VPS37D: variants seen among roughly 807,000 people sequenced by gnomAD.
VPS37D encodes vacuolar protein sorting-associated protein 37D.
VPS37D carries 5 observed loss-of-function variants against 22.0 expected under a neutral mutation model. The observed-to-expected ratio is 0.23, with a 90% CI of 0.12 to 0.48. The LOEUF is 0.48. VPS37D is among the 20% of genes least tolerant of loss of function. The pLI is 0.99. For synonymous variants in VPS37D, 174 were observed against 159.3 expected, an observed-to-expected ratio of 1.09 and a Z score of -0.69; for missense variants, 384 against 345.8, an observed-to-expected ratio of 1.11 and a Z score of -0.88.
Position 73,671,178 on chromosome 7 carries a change from T to A in VPS37D, c.558T>A (p.Ala186=). The part of the protein sequence containing the change: ...ERSAQPAPTS[A]ADPPKSFPAA... ...CTGCCCAGCCGGCCCCCACCTCGGC[T>A]GCTGATCCCCCCAAATCCTTCCCGG... is the stretch of plus-strand genomic sequence containing the variant. Residue 186 remains alanine (A), a synonymous_variant, in exon 4 of 4, where the codon GCT becomes GCA. Transcript: ENST00000324941. The A allele has an allele frequency of 6.2e-7, 1 of 1,603,870 alleles. No homozygotes were observed. The highest frequency in any genetic ancestry group is 8.5e-7 in the Non-Finnish European group (1 of 1,177,678).
chr7:73,670,159 C>A, intron 3 of VPS37D, 57 bp downstream of exon 3: 1 of 1,548,452 alleles, frequency 6.5e-7, no homozygotes, highest in Non-Finnish European at 8.7e-7. Flanking sequence ...TCTCTGCCAC[C>A]CCCTGGCTCA....
chr7:73,666,181 TCA>T (rs1258169043), upstream of VPS37D, among the ~76,000 whole-genome samples: 1 of 152,158 alleles, frequency 6.6e-6, no homozygotes, highest in Non-Finnish European at 1.5e-5. Context: ...CACATGGGAA[TCA>T]CAAAGCCATC....
rs781828885 is a variant in VPS37D at position 73,669,601 on chromosome 7, G to T, written c.310+11G>T. On this transcript the variant is annotated intron_variant, in intron 2 of 3. Coordinates refer to ENST00000324941, the MANE Select transcript of VPS37D (RefSeq NM_001077621.2). Reference sequence around the variant, plus strand: ...AGCTGCAGCGACTGGGTGAGGGCACGTCTGGGAGAACCCCCTGGGGCTGGT... The same window carrying T: ...AGCTGCAGCGACTGGGTGAGGGCACTTCTGGGAGAACCCCCTGGGGCTGGT... 1.1e-5 allele frequency: 17 copies of T among 1,582,066 alleles called. No homozygotes were observed. The African/African-American group carries it at 1.2e-4, about 11-fold the overall frequency.
chr7:73,668,568 TGTATTGCA>T (rs1797433979), intron 1 of VPS37D, among the ~76,000 whole-genome samples: 2 of 151,686 alleles, frequency 1.3e-5, no homozygotes, highest in African/African-American at 4.8e-5. Flanking sequence ...AGCTGCCGTG[TGTATTGCA>T]TAGGCCACCG....
At position 73,671,128 on chromosome 7, in the gene VPS37D, G is replaced by A; in HGVS notation, c.508G>A (p.Glu170Lys). The change falls in exon 4 of 4, where the codon GAG (glutamate) becomes AAG (lysine). Residue 170 changes from glutamate to lysine, a missense_variant. By Grantham distance (56) the Glu-to-Lys change is moderately conservative. Transcript: ENST00000324941. Reference sequence around the variant, plus strand: ...GCGGACGCAGGCAGAGAAGCTGCAGGAGCTGCTGCGGCGTCGGGAGCGTTC... The same window carrying A: ...GCGGACGCAGGCAGAGAAGCTGCAGAAGCTGCTGCGGCGTCGGGAGCGTTC... ...LRRTQAEKLQELLRRRERSAQ... is the reference protein window; with the variant it reads ...LRRTQAEKLQKLLRRRERSAQ... 6.2e-7 allele frequency: 1 copy of A among 1,608,282 alleles called. No homozygotes were observed. The highest frequency in any genetic ancestry group is 2.2e-5 in the East Asian group (1 of 44,826).
chr7:73,671,056 G>A lies in VPS37D; in HGVS notation c.436G>A (p.Ala146Thr), dbSNP rs782408382. The A allele has an allele frequency of 1.6e-5, 25 of 1,612,152 alleles. No individual in the cohort carries two copies. Among genetic ancestry groups the A allele is most frequent in the Non-Finnish European group, 2.1e-5 (25 of 1,179,744 alleles). The change falls in exon 4 of 4, where the codon GCC becomes ACC. Residue 146 changes from alanine to threonine, a missense_variant. Physicochemically the swap from Ala to Thr is moderately conservative, Grantham distance 58. Transcript: ENST00000324941. ...QLLLGEQSLE[A>T]FLPAFQRGRA... ...GCTGCTCGGGGAGCAAAGCCTGGAG[G>A]CCTTCCTGCCTGCCTTCCAGCGTGG...
In VPS37D at chr7:73,670,190, G is replaced by C; in HGVS notation, c.393+88G>C. Reference sequence around the variant, plus strand: ...GCTCATTCTTACACCTCAGGCTGGGGAGCCCCTCCTCTGGGAAGTCCACCC... The same window carrying C: ...GCTCATTCTTACACCTCAGGCTGGGCAGCCCCTCCTCTGGGAAGTCCACCC... On this transcript the variant is annotated intron_variant, in intron 3 of 3. Transcript: ENST00000324941. The C allele has an allele frequency of 1.3e-6, 2 of 1,540,312 alleles. 1 individual carries two copies. The highest frequency in any genetic ancestry group is 2.4e-5 in the South Asian group (2 of 83,144).
Position 73,667,870 on chromosome 7 carries a change from G to A in VPS37D, c.-89G>A. ...GGCCGGAGCCGGAGCGGATCCTGGA[G>A]CCGGAGCGGAGCGGAGCGGAGCGGA... On this transcript the variant is annotated 5_prime_UTR_variant, in exon 1 of 4. Coordinates refer to ENST00000324941, the MANE Select transcript of VPS37D (RefSeq NM_001077621.2). 5.4e-6 allele frequency: 2 copies of A among 373,662 alleles called. No homozygotes were observed. The highest frequency in any genetic ancestry group is 2.0e-4 in the South Asian group (2 of 9,826). The allele number at this position is 373,662 out of a possible 1,614,324, so 23.1% of individuals were successfully genotyped here.
intron 1 of VPS37D, among the ~76,000 whole-genome samples, chr7:73,669,001 C>A (rs1797444727): frequency 6.6e-6 from 1 of 151,756 alleles, no homozygotes; most frequent in African/African-American, 2.4e-5. Flanking sequence ...AGGAAACAGA[C>A]AAAGGCCTGG....
chr7:73,668,117 G>C (rs1455080189), intron 1 of VPS37D, 21 bp downstream of exon 1: 6 of 1,075,936 alleles, frequency 5.6e-6, no homozygotes, highest in South Asian at 8.7e-5. Flanking sequence ...GGGCTCGAGC[G>C]GGGGGCGCGG....
At chr7:73,666,416 CTCTTTTTTT>C (rs199683546), upstream of VPS37D, among the ~76,000 whole-genome samples, 924 of 152,138 alleles carry the variant, frequency 6.1e-3, 17 homozygotes, top group African/African-American at 0.021. Context: ...GCGACATCAT[CTCTTTTTTT>C]TCTTTTTTTT....
In VPS37D at chr7:73,667,871, C is replaced by CCGGAGCGGAG. The variant is rs879987947; in HGVS notation, c.-71_-62dup. 0.011 allele frequency: 4,085 copies of CCGGAGCGGAG among 372,818 alleles called. 42 individuals carry two copies. The highest frequency in any genetic ancestry group is 0.018 in the Admixed American group (287 of 15,872). 23.1% of individuals were successfully genotyped at this position (372,818 alleles called of 1,614,324 possible). ...GCCGGAGCCGGAGCGGATCCTGGAG[C>CCGGAGCGGAG]CGGAGCGGAGCGGAGCGGAGCGGAG... On this transcript the variant is annotated 5_prime_UTR_variant, in exon 1 of 4. Coordinates refer to ENST00000324941, the MANE Select transcript of VPS37D (RefSeq NM_001077621.2).
Position 73,671,464 on chromosome 7 carries a change from G to C in VPS37D, c.*88G>C. On this transcript the variant is annotated 3_prime_UTR_variant, in exon 4 of 4. Coordinates refer to ENST00000324941, the MANE Select transcript of VPS37D (RefSeq NM_001077621.2). ...TCCCCCACTGCCTGGGTGGGGGGAG[G>C]GGCAGGCCCCTCCCCCTGGCCTCAG... 1.7e-6 allele frequency: 1 copy of C among 590,300 alleles called. No individual in the cohort carries two copies. The highest frequency in any genetic ancestry group is 2.6e-6 in the Non-Finnish European group (1 of 379,072). 36.6% of individuals were successfully genotyped at this position (590,300 alleles called of 1,614,324 possible).
In VPS37D at chr7:73,670,884, A is replaced by G. The variant is rs1797492191; in HGVS notation, c.394-130A>G. The G allele has an allele frequency of 4.5e-6, 6 of 1,330,388 alleles. No homozygotes were observed. In the African/African-American group the frequency reaches 7.5e-5, roughly 17 times the overall value. 82.4% of individuals were successfully genotyped at this position (1,330,388 alleles called of 1,614,324 possible). A position where few individuals can be genotyped will look rare whatever the true frequency, so the allele number is the denominator to read the frequency against. ...GTAATCGGAGGCAGGCCCAGGCTGG[A>G]ACGCAGGTCCCCTGTCCCCCAGCTG... On this transcript the variant is annotated intron_variant, in intron 3 of 3. Coordinates refer to ENST00000324941, the MANE Select transcript of VPS37D (RefSeq NM_001077621.2).
chr7:73,667,968 G>A lies in VPS37D; in HGVS notation c.10G>A (p.Ala4Thr). 9.4e-7 allele frequency: 1 copy of A among 1,063,012 alleles called. No individual in the cohort carries two copies. Among genetic ancestry groups the A allele is most frequent in the Non-Finnish European group, 1.1e-6 (1 of 879,956 alleles). 65.8% of individuals were successfully genotyped at this position (1,063,012 alleles called of 1,614,324 possible). Residue 4 changes from alanine (A) to threonine (T), a missense_variant, in exon 1 of 4, where the codon GCC becomes ACC. Transcript: ENST00000324941. MYR[A>T]RAARAGPEPG... is the part of the protein sequence containing the mutation. The stretch of plus-strand genomic sequence containing the variant: ...GGCGCGGGCGGGCGGCATGTACCGG[G>A]CCCGGGCGGCGCGGGCGGGGCCGGA...
In VPS37D at chr7:73,671,388, C is replaced by CG; in HGVS notation, c.*14dup. ...CCCCCCACCGGTAGGATCCACGGTG[C>CG]GGCCCCCCAGTTGGGGGGCCTAGAC... On this transcript the variant is annotated 3_prime_UTR_variant, in exon 4 of 4. Transcript: ENST00000324941. 4 of 1,360,318 alleles carry CG rather than the reference C, an allele frequency of 2.9e-6. No homozygotes were observed. Among genetic ancestry groups the CG allele is most frequent in the Non-Finnish European group, 3.8e-6 (4 of 1,057,972 alleles). 84.3% of individuals were successfully genotyped at this position (1,360,318 alleles called of 1,614,324 possible).
In VPS37D at chr7:73,669,568, C is replaced by T. The variant is rs781987825; in HGVS notation, c.288C>T (p.Cys96=). Residue 96 remains cysteine, a synonymous_variant, in exon 2 of 4, where the codon TGC becomes TGT. Coordinates refer to ENST00000324941, the MANE Select transcript of VPS37D (RefSeq NM_001077621.2). The part of the protein sequence containing the change: ...YQELREVAEN[C]ADKLQRLEES... ...AGCTTCGTGAGGTGGCCGAGAACTGCGCGGACAAGCTGCAGCGACTGGGTG... is the reference window on the plus strand; with the variant it reads ...AGCTTCGTGAGGTGGCCGAGAACTGTGCGGACAAGCTGCAGCGACTGGGTG... 1.9e-5 allele frequency: 30 copies of T among 1,591,730 alleles called. No individual in the cohort carries two copies. The highest frequency in any genetic ancestry group is 1.7e-4 in the Middle Eastern group (1 of 6,046).
chr7:73,666,752 G>A (rs1485976320), upstream of VPS37D, among the ~76,000 whole-genome samples: 3 of 151,846 alleles, frequency 2.0e-5, no homozygotes, highest in East Asian at 3.9e-4. Flanking sequence ...CCTACTATGT[G>A]TATTCATTAT....
upstream of VPS37D, among the ~76,000 whole-genome samples, chr7:73,667,521 C>T (rs1206641250): frequency 1.3e-5 from 2 of 152,178 alleles, no homozygotes; most frequent in Non-Finnish European, 2.9e-5. Flanking sequence ...CCTCGGCGCC[C>T]GGCCAAAGTC....
Sources: gnomAD v4.1 joint callset for allele counts (sites outside exome capture counted in the v4.1 genomes callset) on GRCh38, gnomAD v4.1.1 for gene constraint, MANE v1.5 for transcripts, NCBI Gene and HGNC (gene_info 2026-07-23, HGNC 2026-07-21) for gene names.